The following HAO2 variants were observed in gnomAD, a reference collection of about 807,000 sequenced individuals.
HAO2 encodes hydroxyacid oxidase 2, also known as 2-Hydroxyacid oxidase 2.
HAO2 carries 42 observed loss-of-function variants against 37.4 expected under a neutral mutation model. The ratio of observed to expected loss-of-function variants is 1.12; its 90% CI spans 0.88 to 1.45. The LOEUF is 1.45. Ranked by LOEUF, HAO2 falls within the 40% of genes most tolerant of loss-of-function variation. The probability of loss-of-function intolerance (pLI) is 0.00; values close to 1 mark genes in which losing one functional copy is unlikely to be tolerated. For synonymous variants in HAO2, 180 were observed against 162.8 expected (o/e 1.11, Z -0.81); for missense variants, 476 against 430.2 (o/e 1.11, Z -0.94).
chr1:119,371,693 T>G (rs4659002), intron 1 of HAO2, among the ~76,000 whole-genome samples: 32,785 of 152,000 alleles, frequency 0.22, 4,838 homozygotes, highest in African/African-American at 0.42. Flanking sequence ...GAAATGGGGA[T>G]GATAATATTT....
chr1:119,389,188 A>C (rs1650670964), intron 5 of HAO2, among the ~76,000 whole-genome samples: 1 of 96,536 alleles, frequency 1.0e-5, no homozygotes, highest in Admixed American at 1.1e-4. Flanking sequence ...TTCTTTATCC[A>C]CTCATTGATT....
chr1:119,389,288 T>A (rs1650678756), intron 5 of HAO2, among the ~76,000 whole-genome samples: 1 of 148,802 alleles, frequency 6.7e-6, no homozygotes, highest in African/African-American at 2.5e-5. Flanking sequence ...TATAATGACT[T>A]CTTTTCCCCT....
chr1:119,393,833 G>A lies in HAO2; in HGVS notation c.1049G>A (p.Arg350Lys). The part of the protein sequence containing the change: ...EINRNLVQFS[R>K]L ...AATCGAAACTTGGTCCAGTTTTCCA[G>A]GCTGTAAGAAAAAAGGGCCAATAAC... is the stretch of plus-strand genomic sequence containing the variant. The change falls in exon 8 of 8, where the codon AGG becomes AAG. Residue 350 changes from arginine to lysine, a missense_variant. Physicochemically the swap from Arg to Lys is conservative, Grantham distance 26 (BLOSUM62 2). Coordinates refer to ENST00000325945, the MANE Select transcript of HAO2 (RefSeq NM_016527.4). 1 of 1,613,122 alleles carries A rather than the reference G, an allele frequency of 6.2e-7. No individual in the cohort carries two copies. The highest frequency in any genetic ancestry group is 8.5e-7 in the Non-Finnish European group (1 of 1,179,300).
At chr1:119,387,116 A>G (rs1046648896) in intron 5 of HAO2, among the ~76,000 whole-genome samples, 1 of 152,192 alleles carries the variant, frequency 6.6e-6, no homozygotes, top group Non-Finnish European at 1.5e-5. Flanking sequence ...ACTGTAGTTT[A>G]GTGATGTTAA....
chr1:119,393,706 C>A, intron 7 of HAO2, 79 bp from the exon 8 acceptor site: 2 of 1,162,684 alleles, frequency 1.7e-6, no homozygotes, highest in South Asian at 1.2e-5. Flanking sequence ...ACTTGCTCCC[C>A]TTCATCACCC....
At chr1:119,377,874 C>G (rs1426822688) in intron 1 of HAO2, among the ~76,000 whole-genome samples, 1 of 152,160 alleles carries the variant, frequency 6.6e-6, no homozygotes, top group Non-Finnish European at 1.5e-5. Flanking sequence ...TGAGACCAGC[C>G]TGGCCAACAT....
At chr1:119,378,571 T>C (rs1649667508) in intron 1 of HAO2, among the ~76,000 whole-genome samples, 1 of 152,132 alleles carries the variant, frequency 6.6e-6, no homozygotes. Context: ...TTAGAAGAGG[T>C]ATCGAAATGA....
At chr1:119,392,033 C>T (rs1316971386) in intron 5 of HAO2, 77 bp from the exon 6 acceptor site, 2 of 1,356,852 alleles carry the variant, frequency 1.5e-6, no homozygotes, top group East Asian at 4.6e-5. Flanking sequence ...GCTTGGTTTT[C>T]CTGGTCATAT....
intron 3 of HAO2, among the ~76,000 whole-genome samples, chr1:119,384,331 A>G (rs970736539): frequency 6.6e-6 from 1 of 152,228 alleles, no homozygotes; most frequent in Non-Finnish European, 1.5e-5. Context: ...AAGGGGTAGA[A>G]CTAGCATTCT....
At chr1:119,380,782 A>G (rs1649860210) in intron 1 of HAO2, 2 of 1,073,114 alleles carry the variant, frequency 1.9e-6, no homozygotes, top group Admixed American at 1.7e-5. Flanking sequence ...TGGGGCCTCA[A>G]CTAGGTCTAA....
At chr1:119,376,523 C>A (rs1479575561) in intron 1 of HAO2, among the ~76,000 whole-genome samples, 3 of 152,232 alleles carry the variant, frequency 2.0e-5, no homozygotes, top group African/African-American at 7.2e-5. Context: ...CCTCTTCTCA[C>A]AGCTCCACTA....
intron 3 of HAO2, among the ~76,000 whole-genome samples, chr1:119,383,419 C>A (rs1237906408): frequency 1.3e-5 from 2 of 152,234 alleles, no homozygotes; most frequent in East Asian, 1.9e-4. Flanking sequence ...CTCTTTGGCC[C>A]CTGATGGGCC....
intron 6 of HAO2, 107 bp from the exon 7 acceptor site, chr1:119,392,511 C>T: frequency 1.2e-6 from 1 of 828,148 alleles, no homozygotes. Flanking sequence ...CAGATAATCC[C>T]CATCTTTCCC....
intron 5 of HAO2, among the ~76,000 whole-genome samples, chr1:119,391,624 A>C (rs1650910304): frequency 6.6e-6 from 1 of 152,182 alleles, no homozygotes; most frequent in Non-Finnish European, 1.5e-5. Flanking sequence ...AATAATGTTC[A>C]ACCCAGTTTC....
At chr1:119,373,713 A>G (rs1268972864) in intron 1 of HAO2, among the ~76,000 whole-genome samples, 1 of 152,162 alleles carries the variant, frequency 6.6e-6, no homozygotes, top group African/African-American at 2.4e-5. Flanking sequence ...ACTCCCTATC[A>G]TGACTAAAGA....
At chr1:119,381,293 G>T in intron 2 of HAO2, 77 bp downstream of exon 2, 1 of 1,026,816 alleles carries the variant, frequency 9.7e-7, no homozygotes, top group Non-Finnish European at 1.5e-6. Flanking sequence ...AGTAGTCCTG[G>T]TTTCTGCCTC....
chr1:119,380,856 T>C, intron 1 of HAO2: 1 of 725,940 alleles, frequency 1.4e-6, no homozygotes, highest in Non-Finnish European at 2.4e-6. Flanking sequence ...TAATCAGGAT[T>C]TGGGAATGGG....
rs750972997 is a variant in HAO2 at position 119,386,757 on chromosome 1, G to A, written c.697G>A (p.Ala233Thr). 4 of 1,613,822 alleles carry A rather than the reference G, an allele frequency of 2.5e-6. No homozygotes were observed. In the Admixed American group the frequency reaches 5.0e-5, roughly 20 times the overall value. ...GILTKEDAELAVKHNVQGIIV... is the reference protein window; with the variant it reads ...GILTKEDAELTVKHNVQGIIV... ...TTTGACAAAAGAGGATGCAGAGTTA[G>A]CTGTGAAGCACAATGTCCAGGGTAT... Residue 233 changes from alanine (A) to threonine (T), a missense_variant, in exon 5 of 8, where the codon GCT (alanine) becomes ACT (threonine). Ala to Thr is a moderately conservative substitution (Grantham distance 58). Coordinates refer to ENST00000325945, the MANE Select transcript of HAO2 (RefSeq NM_016527.4).
At chr1:119,377,492 A>T (rs1194880220) in intron 1 of HAO2, among the ~76,000 whole-genome samples, 1 of 151,950 alleles carries the variant, frequency 6.6e-6, no homozygotes, top group African/African-American at 2.4e-5. Context: ...AACTGTTCCA[A>T]CCTCTGCCTA....
Sources: allele counts gnomAD v4.1 joint callset (sites outside exome capture counted in the v4.1 genomes callset), GRCh38; gene constraint gnomAD v4.1.1; transcripts MANE v1.5; gene names NCBI Gene and HGNC (gene_info 2026-07-23, HGNC 2026-07-21).